The following POU2F1 variants were observed in gnomAD, a reference collection of about 807,000 sequenced individuals.
The protein encoded by POU2F1 is POU class 2 homeobox 1, also known as POU domain, class 2, transcription factor 1.
A neutral mutation model predicts 84.9 loss-of-function variants in POU2F1; 16 were observed. The ratio of observed to expected loss-of-function variants is 0.19; its 90% CI spans 0.13 to 0.29. The LOEUF is 0.29. Ranked by LOEUF, POU2F1 falls within the 10% of genes least tolerant of loss-of-function variation. The pLI is 1.00. For synonymous variants in POU2F1, 368 were observed against 368.3 expected (o/e 1.00, Z 0.01); for missense variants, 738 against 942.6 (o/e 0.78, Z 2.84).
chr1:167,319,553 G>A (rs1288061257), intron 1 of POU2F1, among the ~76,000 whole-genome samples: 1 of 151,992 alleles, frequency 6.6e-6, no homozygotes, highest in Non-Finnish European at 1.5e-5. Context: ...TGGGATACCA[G>A]TAATGTGTTT....
In POU2F1 at chr1:167,416,021, A is replaced by C. The variant is rs1650289015; in HGVS notation, c.*211A>C. ...AGGATGGAGACGGAACATTTGCCTA[A>C]TTTTGTAATAAAACACTGTCTTTTC... On this transcript the variant is annotated 3_prime_UTR_variant, in exon 16 of 16. Transcript: ENST00000367866. The C allele has an allele frequency of 1.2e-5, 8 of 665,372 alleles. No homozygotes were observed. The South Asian group carries it at 1.4e-4, about 12-fold the overall frequency. 41.2% of individuals were successfully genotyped at this position (665,372 alleles called of 1,614,324 possible).
At chr1:167,317,451 G>C (rs1436543894) in intron 1 of POU2F1, among the ~76,000 whole-genome samples, 1 of 152,224 alleles carries the variant, frequency 6.6e-6, no homozygotes, top group Non-Finnish European at 1.5e-5. Context: ...AGAGTGCAGA[G>C]TGGGAATCAG....
chr1:167,371,816 A>AT, intron 4 of POU2F1, 101 bp from the exon 5 acceptor site: 1 of 1,510,176 alleles, frequency 6.6e-7, no homozygotes, highest in Non-Finnish European at 9.2e-7. Flanking sequence ...TCATGACTGA[A>AT]TAAGCTCATG....
intron 1 of POU2F1, among the ~76,000 whole-genome samples, chr1:167,275,084 A>G (rs899280765): frequency 1.4e-5 from 2 of 143,108 alleles, no homozygotes; most frequent in African/African-American, 5.3e-5. Context: ...GTTGGAGTGC[A>G]CGATCACAGC....
chr1:167,249,670 A>C (rs4329487), intron 1 of POU2F1, among the ~76,000 whole-genome samples: 149,648 of 152,286 alleles, frequency 0.98, 73,580 homozygotes, highest in East Asian at 1. Context: ...AATTGCAGAA[A>C]AGCTCTTTAA....
intron 4 of POU2F1, among the ~76,000 whole-genome samples, chr1:167,371,701 T>A (rs574788823): frequency 6.6e-6 from 1 of 152,304 alleles, no homozygotes; most frequent in South Asian, 2.1e-4. Flanking sequence ...ACTTTATTTT[T>A]AAAAATTGTA....
At chr1:167,413,356 G>A (rs1374851865) in intron 15 of POU2F1, among the ~76,000 whole-genome samples, 3 of 152,192 alleles carry the variant, frequency 2.0e-5, no homozygotes, top group Non-Finnish European at 2.9e-5. Context: ...AATATACTTA[G>A]TTTGGTATAT....
chr1:167,363,060 G>A (rs1169147145), intron 2 of POU2F1, among the ~76,000 whole-genome samples: 2 of 152,074 alleles, frequency 1.3e-5, no homozygotes, highest in Non-Finnish European at 2.9e-5. Context: ...TCCCCCCCAA[G>A]GCAGAACCAG....
At chr1:167,285,274 C>G (rs899656657) in intron 1 of POU2F1, among the ~76,000 whole-genome samples, 2 of 152,122 alleles carry the variant, frequency 1.3e-5, no homozygotes, top group African/African-American at 2.4e-5. Context: ...AATGTTTACC[C>G]GGTAAAAAAT....
At chr1:167,223,862 G>T (rs889014332) in intron 1 of POU2F1, among the ~76,000 whole-genome samples, 2 of 152,152 alleles carry the variant, frequency 1.3e-5, no homozygotes, top group African/African-American at 4.8e-5. Flanking sequence ...TTTTGCACCC[G>T]ATTCCCAAGA....
At chr1:167,272,349 T>C (rs1652430167) in intron 1 of POU2F1, among the ~76,000 whole-genome samples, 1 of 150,830 alleles carries the variant, frequency 6.6e-6, no homozygotes, top group Admixed American at 6.6e-5. Context: ...GGGAATGTTC[T>C]TACTCTGGTT....
At chr1:167,409,611 A>G (rs1649818929) in intron 13 of POU2F1, among the ~76,000 whole-genome samples, 1 of 152,234 alleles carries the variant, frequency 6.6e-6, no homozygotes, top group South Asian at 2.1e-4. Context: ...AGACGCCTAG[A>G]ACAATTTTGA....
At chr1:167,385,522 G>A (rs777915654) in intron 8 of POU2F1, among the ~76,000 whole-genome samples, 3 of 152,060 alleles carry the variant, frequency 2.0e-5, no homozygotes, top group Non-Finnish European at 4.4e-5. Context: ...CATGTATATG[G>A]CCAACTGATT....
chr1:167,401,289 A>G (rs1040074209), intron 12 of POU2F1, among the ~76,000 whole-genome samples, 162 bp from the exon 13 acceptor site: 1 of 152,222 alleles, frequency 6.6e-6, no homozygotes, highest in African/African-American at 2.4e-5. Context: ...AACCCAGGCA[A>G]AGCTATCTGT....
chr1:167,305,207 A>T (rs1313264027), intron 1 of POU2F1, among the ~76,000 whole-genome samples: 15 of 149,074 alleles, frequency 1.0e-4, no homozygotes, highest in African/African-American at 3.7e-4. Context: ...TTTTTTTTTT[A>T]AACAGGATCT....
chr1:167,335,999 CTGTGAAATAT>C (rs1460920759), intron 2 of POU2F1, among the ~76,000 whole-genome samples: 1 of 151,880 alleles, frequency 6.6e-6, no homozygotes, highest in Non-Finnish European at 1.5e-5. Flanking sequence ...CACAAATGAA[CTGTGAAATAT>C]TGAGAAATAT....
At chr1:167,325,669 A>G (rs1206322163) in intron 1 of POU2F1, among the ~76,000 whole-genome samples, 2 of 152,130 alleles carry the variant, frequency 1.3e-5, no homozygotes, top group Non-Finnish European at 1.5e-5. Flanking sequence ...AGGTGGGCGA[A>G]TCACGAGGTC....
rs192113541 is a variant in POU2F1, at chr1:167,316,271, G to A, written c.62-16199G>A. 3.8e-3 allele frequency among the ~76,000 whole-genome samples: 584 copies of A among 152,302 alleles called. 3 individuals are homozygous for A. The highest frequency in any genetic ancestry group is 0.013 in the African/African-American group (560 of 41,560). On this transcript the variant is annotated intron_variant, in intron 1 of 15. Coordinates refer to ENST00000367866, the MANE Select transcript of POU2F1 (RefSeq NM_002697.4). Reference sequence around the variant, plus strand: ...TGTAGTTACATAAGACGTAACCAGTGGAGAAATTAATGAATGGTACATGGG... The same window carrying A: ...TGTAGTTACATAAGACGTAACCAGTAGAGAAATTAATGAATGGTACATGGG...
At chr1:167,331,858 C>T (rs34465395) in intron 1 of POU2F1, among the ~76,000 whole-genome samples, 15,703 of 151,918 alleles carry the variant, frequency 0.1, 1,971 homozygotes, top group African/African-American at 0.31. Flanking sequence ...TTATGCCTTA[C>T]GGTACAACTT....
Sources: allele counts gnomAD v4.1 joint callset (sites outside exome capture counted in the v4.1 genomes callset), GRCh38; gene constraint gnomAD v4.1.1; transcripts MANE v1.5; gene names NCBI Gene and HGNC (gene_info 2026-07-23, HGNC 2026-07-21).